The following PCDH11X variants were observed in gnomAD, a reference collection of about 807,000 sequenced individuals.
PCDH11X encodes the protein protocadherin-11 X-linked.
In PCDH11X, 18 loss-of-function variants were observed where a neutral mutation model predicts 53.3. That is an observed-to-expected ratio of 0.34 (90% CI 0.23 to 0.50). The LOEUF (loss-of-function observed/expected upper bound fraction) is 0.50, where lower values mean the gene tolerates loss of function less well. Among genes scored for constraint, PCDH11X ranks in the 20% least tolerant of loss-of-function variants. The pLI, the probability that PCDH11X is intolerant of heterozygous loss-of-function variation, is 0.98. For missense variants in PCDH11X, 570 were observed against 1,032.4 expected (o/e 0.55, Z 6.14); for synonymous variants, 279 against 393.3 (o/e 0.71, Z 3.44).
intron 6 of PCDH11X, among the ~76,000 whole-genome samples, chrX:92,084,523 G>A (rs1230924865): frequency 1.8e-4 from 17 of 95,650 alleles, no homozygotes; most frequent in South Asian, 4.8e-4. Flanking sequence ...CTCCAGCCTG[G>A]CTGAAACACA....
intron 6 of PCDH11X, among the ~76,000 whole-genome samples, chrX:92,009,149 C>A (rs1322308943): frequency 8.9e-6 from 1 of 111,858 alleles, no homozygotes; most frequent in East Asian, 2.8e-4. Flanking sequence ...TAAGTTTATT[C>A]CCATTATTAA....
intron 7 of PCDH11X, among the ~76,000 whole-genome samples, chrX:92,213,585 G>A (rs186173763): frequency 2.7e-5 from 3 of 111,650 alleles, no homozygotes; most frequent in Non-Finnish European, 5.6e-5. Flanking sequence ...TATCCCAGGT[G>A]TGACCTGACA....
chrX:91,996,309 C>T (rs1216471060), intron 6 of PCDH11X, among the ~76,000 whole-genome samples: 1 of 101,157 alleles, frequency 9.9e-6, no homozygotes, highest in Non-Finnish European at 2.0e-5. Flanking sequence ...CCACCACGCC[C>T]AGCTAATTTT....
chrX:92,200,992 G>A (rs2066381386), intron 6 of PCDH11X, among the ~76,000 whole-genome samples: 1 of 109,903 alleles, frequency 9.1e-6, no homozygotes, highest in South Asian at 3.8e-4. Flanking sequence ...GCTCACTGCA[G>A]CCTCCAAAAT....
chrX:92,552,883 T>C (rs917475106), intron 10 of PCDH11X, among the ~76,000 whole-genome samples: 3 of 110,185 alleles, frequency 2.7e-5, no homozygotes, highest in African/African-American at 9.9e-5. Context: ...GGGGTAAATC[T>C]CACTTGGTTA....
At chrX:92,200,608 T>C (rs1313071826) in intron 6 of PCDH11X, among the ~76,000 whole-genome samples, 1 of 112,120 alleles carries the variant, frequency 8.9e-6, no homozygotes, top group Non-Finnish European at 1.9e-5. Context: ...TGTTAATTCC[T>C]GAAAAGACAA....
chrX:92,256,154 C>T (rs1477587811), intron 7 of PCDH11X, among the ~76,000 whole-genome samples: 1 of 111,953 alleles, frequency 8.9e-6, no homozygotes, highest in Non-Finnish European at 1.9e-5. Context: ...TTTTTAAGCT[C>T]GTCGGAAAAG....
chrX:91,932,862 G>A (rs2061405833), intron 6 of PCDH11X, among the ~76,000 whole-genome samples: 2 of 111,224 alleles, frequency 1.8e-5, no homozygotes, highest in Admixed American at 1.9e-4. Context: ...GTTACAAGTA[G>A]CATTTCGAAT....
At chrX:92,358,245 G>T (rs1411320671) in intron 8 of PCDH11X, among the ~76,000 whole-genome samples, 1 of 100,481 alleles carries the variant, frequency 1.0e-5, no homozygotes, top group Non-Finnish European at 2.0e-5. Flanking sequence ...ATTAGATACA[G>T]ATGGTCATTG....
chrX:92,285,885 A>G (rs2068358641), intron 8 of PCDH11X, among the ~76,000 whole-genome samples: 1 of 111,673 alleles, frequency 9.0e-6, no homozygotes, highest in Admixed American at 9.5e-5. Flanking sequence ...CATTGTTTCT[A>G]TAGATTATAG....
chrX:92,220,300 C>T (rs2066838610), intron 7 of PCDH11X, among the ~76,000 whole-genome samples: 1 of 83,183 alleles, frequency 1.2e-5, no homozygotes, highest in Non-Finnish European at 2.3e-5. Flanking sequence ...ACCTACTCAT[C>T]TGACAAAGGG....
intron 10 of PCDH11X, among the ~76,000 whole-genome samples, chrX:92,576,732 T>C (rs1397855024): frequency 3.7e-5 from 4 of 109,366 alleles, no homozygotes; most frequent in African/African-American, 9.9e-5. Context: ...CCTGTTTTTT[T>C]ACTTTCTGTT....
chrX:91,953,826 CT>C (rs749682009), intron 6 of PCDH11X, among the ~76,000 whole-genome samples: 1 of 109,634 alleles, frequency 9.1e-6, no homozygotes, highest in East Asian at 2.9e-4. Context: ...TAGTATGTAG[CT>C]TTGGTAATAT....
At chrX:92,308,881 A>T (rs1364184541) in intron 8 of PCDH11X, among the ~76,000 whole-genome samples, 57 of 110,782 alleles carry the variant, frequency 5.1e-4, no homozygotes, top group Admixed American at 2.9e-4. Flanking sequence ...GCATATTAAG[A>T]GATATTCAAT....
chrX:92,293,132 C>T (rs1356238342), intron 8 of PCDH11X, among the ~76,000 whole-genome samples: 2 of 108,465 alleles, frequency 1.8e-5, no homozygotes, highest in African/African-American at 6.8e-5. Flanking sequence ...GAAAAATGAA[C>T]TAAGAGGCAC....
chrX:91,941,190 C>T (rs878918838), intron 6 of PCDH11X, among the ~76,000 whole-genome samples: 1 of 110,551 alleles, frequency 9.0e-6, no homozygotes, highest in Non-Finnish European at 1.9e-5. Context: ...AGCAAGAAAA[C>T]GGGAAAGACA....
intron 1 of PCDH11X, among the ~76,000 whole-genome samples, chrX:91,792,199 A>G (rs1935579471): frequency 9.0e-6 from 1 of 111,512 alleles, no homozygotes; most frequent in South Asian, 3.7e-4. Flanking sequence ...AATGGCATTA[A>G]AATAAAAAAT....
intron 6 of PCDH11X, among the ~76,000 whole-genome samples, chrX:92,047,405 T>C (rs2148040700): frequency 9.9e-6 from 1 of 101,300 alleles, no homozygotes; most frequent in Non-Finnish European, 2.0e-5. Context: ...AGGGAGGAAC[T>C]GAGTCAGGAG....
At chrX:92,383,819 A>G (rs1026190730) in intron 8 of PCDH11X, among the ~76,000 whole-genome samples, 2 of 111,992 alleles carry the variant, frequency 1.8e-5, no homozygotes, top group African/African-American at 6.5e-5. Context: ...AGAATGATTT[A>G]TAATCCTTTG....
Sources: allele counts gnomAD v4.1 joint callset (sites outside exome capture counted in the v4.1 genomes callset), GRCh38; gene constraint gnomAD v4.1.1; transcripts MANE v1.5; gene names NCBI Gene and HGNC (gene_info 2026-07-23, HGNC 2026-07-21).